The following SIPA1L1 variants were observed in gnomAD, a reference collection of about 807,000 sequenced individuals.
SIPA1L1 encodes the protein signal induced proliferation associated 1 like 1.
Under a neutral mutation model 162.7 loss-of-function variants are expected in SIPA1L1, and 26 were observed. The ratio of observed to expected loss-of-function variants is 0.16; its 90% CI spans 0.12 to 0.22. The LOEUF is 0.22. SIPA1L1 is among the 10% of genes least tolerant of loss of function. The pLI is 1.00. For missense variants in SIPA1L1, 1,874 were observed against 2,241.0 expected, an observed-to-expected ratio of 0.84 and a Z score of 3.31; for synonymous variants, 829 against 837.4, an observed-to-expected ratio of 0.99 and a Z score of 0.17.
intron 7 of SIPA1L1, among the ~76,000 whole-genome samples, chr14:71,628,973 T>A (rs2040306036): frequency 6.6e-6 from 1 of 152,194 alleles, no homozygotes; most frequent in Non-Finnish European, 1.5e-5. Context: ...AGTCTCACTC[T>A]GTTGCCCAGG....
intron 2 of SIPA1L1, among the ~76,000 whole-genome samples, chr14:71,344,373 T>C (rs1414755128): frequency 6.6e-6 from 1 of 152,156 alleles, no homozygotes; most frequent in Non-Finnish European, 1.5e-5. Context: ...AATGAGACAA[T>C]GTATATAGCA....
At chr14:71,408,409 G>A (rs186409791) in intron 2 of SIPA1L1, among the ~76,000 whole-genome samples, 1 of 152,210 alleles carries the variant, frequency 6.6e-6, no homozygotes. Context: ...AGAATTTTAC[G>A]AATGGTTTGC....
intron 13 of SIPA1L1, among the ~76,000 whole-genome samples, chr14:71,694,193 G>A (rs1021294896): frequency 3.9e-5 from 6 of 152,082 alleles, no homozygotes; most frequent in African/African-American, 1.4e-4. Flanking sequence ...GAATAGGTGT[G>A]GTGGAGGACA....
intron 4 of SIPA1L1, among the ~76,000 whole-genome samples, chr14:71,577,730 CTTTTTTTTTTTT>C (rs5809525): frequency 3.1e-5 from 3 of 97,158 alleles, no homozygotes; most frequent in South Asian, 7.0e-4. Context: ...TTGGGCATGC[CTTTTTTTTTTTT>C]TTTTTTTTTG....
chr14:71,641,594 G>T (rs1183208456), intron 7 of SIPA1L1, among the ~76,000 whole-genome samples: 1 of 152,162 alleles, frequency 6.6e-6, no homozygotes, highest in Non-Finnish European at 1.5e-5. Flanking sequence ...GTGGTGGCAG[G>T]TTCCTGTAGT....
At chr14:71,526,368 C>T (rs757768126) in intron 3 of SIPA1L1, among the ~76,000 whole-genome samples, 1 of 152,178 alleles carries the variant, frequency 6.6e-6, no homozygotes, top group Non-Finnish European at 1.5e-5. Flanking sequence ...CTACATCCTA[C>T]ACTCAGTGGA....
intron 4 of SIPA1L1, among the ~76,000 whole-genome samples, chr14:71,547,360 C>G (rs1754759624): frequency 8.0e-6 from 1 of 125,114 alleles, no homozygotes; most frequent in Admixed American, 1.0e-4. Context: ...GTGGCATGAT[C>G]TCGGCTTACT....
At chr14:71,420,057 T>G (rs139563881) in intron 2 of SIPA1L1, among the ~76,000 whole-genome samples, 1 of 152,272 alleles carries the variant, frequency 6.6e-6, no homozygotes, top group East Asian at 1.9e-4. Context: ...CTTTTGTAGT[T>G]ATAAGGTAGA....
chr14:71,585,741 G>A (rs2034512336), intron 4 of SIPA1L1, among the ~76,000 whole-genome samples: 1 of 152,182 alleles, frequency 6.6e-6, no homozygotes, highest in African/African-American at 2.4e-5. Context: ...AATGTTGAAA[G>A]CATCTAATTT....
chr14:71,542,776 T>C (rs1172138739), intron 4 of SIPA1L1, among the ~76,000 whole-genome samples: 1 of 145,272 alleles, frequency 6.9e-6, no homozygotes, highest in Non-Finnish European at 1.5e-5. Flanking sequence ...CGAGATACAG[T>C]CTTGCTATGT....
At chr14:71,615,937 A>T (rs1242488691) in intron 5 of SIPA1L1, among the ~76,000 whole-genome samples, 2 of 152,372 alleles carry the variant, frequency 1.3e-5, no homozygotes, top group South Asian at 2.1e-4. Context: ...CAGAGGTTGC[A>T]GTGAGCCAAG....
At chr14:71,459,471 A>G (rs372351164) in intron 2 of SIPA1L1, among the ~76,000 whole-genome samples, 198 of 152,226 alleles carry the variant, frequency 1.3e-3, no homozygotes, top group African/African-American at 4.3e-3. Flanking sequence ...AGAGAGAGAG[A>G]GAGAGAGAGG....
intron 4 of SIPA1L1, among the ~76,000 whole-genome samples, chr14:71,582,951 T>G (rs1165554614): frequency 6.6e-6 from 1 of 152,206 alleles, no homozygotes; most frequent in African/African-American, 2.4e-5. Context: ...GAGATGCAAC[T>G]TTTATGTAAT....
At chr14:71,347,568 G>T (rs1258707280) in intron 2 of SIPA1L1, among the ~76,000 whole-genome samples, 3 of 152,116 alleles carry the variant, frequency 2.0e-5, no homozygotes, top group Non-Finnish European at 4.4e-5. Flanking sequence ...AACAATCCGG[G>T]CTTTTGAGGA....
At chr14:71,350,490 CCTAGTGAGGTTTTGCCT>C (rs2036594493) in intron 2 of SIPA1L1, among the ~76,000 whole-genome samples, 1 of 152,080 alleles carries the variant, frequency 6.6e-6, no homozygotes, top group South Asian at 2.1e-4. Flanking sequence ...ATTGGCAAAA[CCTAGTGAGGTTTTGCCT>C]ATTATGCTAA....
chr14:71,457,092 T>C (rs781345065), intron 2 of SIPA1L1, among the ~76,000 whole-genome samples: 2 of 152,050 alleles, frequency 1.3e-5, no homozygotes, highest in African/African-American at 2.4e-5. Flanking sequence ...TTACTGACAC[T>C]GTGTAGAATA....
chr14:71,598,113 C>T, intron 5 of SIPA1L1: 1 of 647,606 alleles, frequency 1.5e-6, no homozygotes, highest in Non-Finnish European at 1.9e-6. Context: ...GTTGCAGTTC[C>T]TCTTCCTCTC....
At chr14:71,516,298 T>G (rs1295180416) in intron 3 of SIPA1L1, among the ~76,000 whole-genome samples, 1 of 152,234 alleles carries the variant, frequency 6.6e-6, no homozygotes, top group African/African-American at 2.4e-5. Flanking sequence ...CATACATATT[T>G]AAACAAATTG....
chr14:71,589,308 G>A lies in SIPA1L1; in HGVS notation c.1436G>A (p.Arg479Lys), dbSNP rs2034966630. 6.2e-7 allele frequency: 1 copy of A among 1,613,856 alleles called. No individual in the cohort carries two copies. Among genetic ancestry groups the A allele is most frequent in the African/African-American group, 1.3e-5 (1 of 74,928 alleles). The stretch of plus-strand genomic sequence containing the variant: ...GTGTTGCACCTAGATAGAGTGAAAA[G>A]ATACATCGTGGAACACGTAGATCTG... Reference protein sequence around the residue: ...NLVLHLDRVKRYIVEHVDLGA... With the variant: ...NLVLHLDRVKKYIVEHVDLGA... The change falls in exon 5 of 24, where the codon AGA becomes AAA. Residue 479 changes from arginine to lysine, a missense_variant. Arg to Lys is a conservative substitution (Grantham distance 26, BLOSUM62 2). Transcript: ENST00000381232.
Sources: gnomAD v4.1 joint callset for allele counts (sites outside exome capture counted in the v4.1 genomes callset) on GRCh38, gnomAD v4.1.1 for gene constraint, MANE v1.5 for transcripts, NCBI Gene and HGNC (gene_info 2026-07-23, HGNC 2026-07-21) for gene names.